TMEM38B: variants seen among roughly 807,000 people sequenced by gnomAD.
TMEM38B encodes trimeric intracellular cation channel type B.
Under a neutral mutation model 28.7 loss-of-function variants are expected in TMEM38B, and 24 were observed. The ratio of observed to expected loss-of-function variants is 0.84; its 90% confidence interval spans 0.61 to 1.18. TMEM38B has a LOEUF of 1.18. Among genes scored for constraint, TMEM38B ranks in the 50% most tolerant of loss-of-function variants. TMEM38B has a pLI of 0.00. For missense variants in TMEM38B, 380 were observed against 350.9 expected (o/e 1.08, Z -0.66); for synonymous variants, 131 against 127.7 (o/e 1.03, Z -0.17).
At chr9:105,712,569 T>G (rs1835945880) in intron 2 of TMEM38B, among the ~76,000 whole-genome samples, 2 of 152,230 alleles carry the variant, frequency 1.3e-5, no homozygotes, top group South Asian at 4.1e-4. Flanking sequence ...CAAATCAGAT[T>G]TAGGCTAGAT....
At chr9:105,745,906 T>C (rs565500619) in intron 4 of TMEM38B, among the ~76,000 whole-genome samples, 14 of 152,198 alleles carry the variant, frequency 9.2e-5, no homozygotes, top group Non-Finnish European at 1.8e-4. Flanking sequence ...TGTGGTATTA[T>C]TTCTGAGGGC....
At chr9:105,749,503 G>A (rs979939333) in intron 5 of TMEM38B, among the ~76,000 whole-genome samples, 6 of 152,114 alleles carry the variant, frequency 3.9e-5, no homozygotes, top group African/African-American at 1.4e-4. Flanking sequence ...ATCTGGCCCC[G>A]CCCTTGTACA....
chr9:105,732,512 C>G (rs1836788968), intron 4 of TMEM38B, among the ~76,000 whole-genome samples: 1 of 152,184 alleles, frequency 6.6e-6, no homozygotes, highest in African/African-American at 2.4e-5. Flanking sequence ...GATGCAGTTT[C>G]TGTTTTCTAC....
chr9:105,721,432 T>C (rs756722346), intron 2 of TMEM38B, 105 bp from the exon 3 acceptor site: 22 of 852,040 alleles, frequency 2.6e-5, no homozygotes, highest in Non-Finnish European at 3.6e-5. Flanking sequence ...TATGGAAAAT[T>C]CCATTTGTTG....
chr9:105,759,689 A>G lies in TMEM38B; in HGVS notation c.660+11499A>G. ...GGACAAAATACTAAACTGTTTTTAGAGTCTAAGCCCAAACAGGAATTCCTG... is the reference window on the plus strand; with the variant it reads ...GGACAAAATACTAAACTGTTTTTAGGGTCTAAGCCCAAACAGGAATTCCTG... On this transcript the variant is annotated intron_variant, in intron 5 of 5. Transcript: ENST00000374692. 1.9e-6 allele frequency: 3 copies of G among 1,596,810 alleles called. No individual in the cohort carries two copies. The South Asian group carries it at 3.4e-5, about 18-fold the overall frequency.
intron 2 of TMEM38B, among the ~76,000 whole-genome samples, chr9:105,717,934 G>C (rs1010758323): frequency 3.9e-5 from 6 of 152,126 alleles, no homozygotes; most frequent in Non-Finnish European, 7.4e-5. Flanking sequence ...ACCCTGAGAC[G>C]TAGGTATTAT....
chr9:105,758,628 C>T, intron 5 of TMEM38B: 1 of 825,210 alleles, frequency 1.2e-6, no homozygotes, highest in Non-Finnish European at 2.1e-6. Context: ...TGGTACTAAC[C>T]AGCTCTTCAG....
intron 5 of TMEM38B, among the ~76,000 whole-genome samples, chr9:105,757,066 CT>C (rs1430019523): frequency 2.6e-5 from 4 of 152,126 alleles, no homozygotes; most frequent in African/African-American, 7.2e-5. Context: ...CTCTCCCACC[CT>C]TCCCCCCAAG....
intron 1 of TMEM38B, among the ~76,000 whole-genome samples, chr9:105,696,947 G>A (rs1176090796): frequency 3.3e-5 from 5 of 152,286 alleles, no homozygotes; most frequent in African/African-American, 1.2e-4. Context: ...TGCTTTAGCC[G>A]CCACAACTAT....
At chr9:105,748,347 C>G (rs925448784) in intron 5 of TMEM38B, among the ~76,000 whole-genome samples, 157 bp downstream of exon 5, 2 of 152,270 alleles carry the variant, frequency 1.3e-5, no homozygotes, top group East Asian at 3.9e-4. Flanking sequence ...CCATGACTTT[C>G]TGAAACTTAG....
chr9:105,767,659 T>A (rs985024646), intron 5 of TMEM38B, among the ~76,000 whole-genome samples: 3 of 152,198 alleles, frequency 2.0e-5, no homozygotes, highest in African/African-American at 7.2e-5. Context: ...CTTGTTAAAT[T>A]TAAATTTATC....
At chr9:105,754,179 A>C (rs954386975) in intron 5 of TMEM38B, among the ~76,000 whole-genome samples, 6 of 152,202 alleles carry the variant, frequency 3.9e-5, no homozygotes, top group African/African-American at 1.4e-4. Flanking sequence ...AGACTTCCAC[A>C]CAATAATAGT....
intron 4 of TMEM38B, among the ~76,000 whole-genome samples, chr9:105,732,672 C>T (rs1312253327): frequency 6.6e-6 from 1 of 152,058 alleles, no homozygotes; most frequent in African/African-American, 2.4e-5. Context: ...GTCTGTATCT[C>T]TGTTTTGGTA....
chr9:105,773,731 C>T (rs1826634297), intron 5 of TMEM38B, 134 bp from the exon 6 acceptor site: 1 of 742,388 alleles, frequency 1.3e-6, no homozygotes, highest in South Asian at 2.0e-5. Context: ...GAGATTTTAC[C>T]AGAATCTAGC....
intron 2 of TMEM38B, among the ~76,000 whole-genome samples, chr9:105,711,230 C>G (rs915317175): frequency 2.7e-5 from 4 of 150,554 alleles, no homozygotes; most frequent in African/African-American, 9.8e-5. Context: ...CACCTGAGGT[C>G]AGGAGTTCGA....
At chr9:105,722,755 A>G in intron 4 of TMEM38B, 134 bp downstream of exon 4, 1 of 623,806 alleles carries the variant, frequency 1.6e-6, no homozygotes, top group Non-Finnish European at 2.7e-6. Context: ...TGATAATGGG[A>G]AGAGAACTAG....
At chr9:105,752,598 G>C (rs1319885144) in intron 5 of TMEM38B, among the ~76,000 whole-genome samples, 1 of 152,126 alleles carries the variant, frequency 6.6e-6, no homozygotes, top group Non-Finnish European at 1.5e-5. Flanking sequence ...AGACTGGCCT[G>C]ACTGTTAAAA....
chr9:105,762,049 C>G (rs559234880), intron 5 of TMEM38B, among the ~76,000 whole-genome samples: 164 of 152,064 alleles, frequency 1.1e-3, no homozygotes, highest in Non-Finnish European at 1.8e-3. Context: ...TGTTTAATAT[C>G]TATTCCTTAA....
chr9:105,722,408 T>G (rs1334372239), intron 3 of TMEM38B, 126 bp from the exon 4 acceptor site: 1 of 810,416 alleles, frequency 1.2e-6, no homozygotes, highest in Non-Finnish European at 2.0e-6. Context: ...TTTTTCTTCT[T>G]TCCAAGAATT....
Sources: gnomAD v4.1 joint callset for allele counts (sites outside exome capture counted in the v4.1 genomes callset) on GRCh38, gnomAD v4.1.1 for gene constraint, MANE v1.5 for transcripts, NCBI Gene and HGNC (gene_info 2026-07-23, HGNC 2026-07-21) for gene names.